Variants in JAZF1 observed in about 807,000 individuals in gnomAD.
The protein encoded by JAZF1 is juxtaposed with another zinc finger protein 1.
JAZF1 carries 8 observed loss-of-function variants against 26.4 expected under a neutral mutation model. That is an observed-to-expected ratio of 0.30 (90% CI 0.18 to 0.55). JAZF1 has a LOEUF of 0.55. Among genes scored for constraint, JAZF1 ranks in the 20% least tolerant of loss-of-function variants. The pLI is 0.94. For missense variants in JAZF1, 199 were observed against 322.0 expected (o/e 0.62, Z 2.92); for synonymous variants, 126 against 122.3 (o/e 1.03, Z -0.20).
rs140063245 is a variant in JAZF1 at position 27,972,667 on chromosome 7, A to G, written c.188+19242T>C. Among the ~76,000 whole-genome samples, 921 of 152,338 alleles carry G rather than the reference A, an allele frequency of 6.0e-3. 11 individuals carry two copies. Among genetic ancestry groups the G allele is most frequent in the African/African-American group, 0.021 (887 of 41,570 alleles). On this transcript the variant is annotated intron_variant, in intron 2 of 4. Transcript: ENST00000283928. ...ATCGTTAGTGGTGAAAAACAAACACATGCAAGCAAGCCTGGAAACAACTGG... is the reference window on the plus strand; with the variant it reads ...ATCGTTAGTGGTGAAAAACAAACACGTGCAAGCAAGCCTGGAAACAACTGG...
At chr7:28,175,517 T>C (rs1204874237) in intron 1 of JAZF1, among the ~76,000 whole-genome samples, 2 of 152,234 alleles carry the variant, frequency 1.3e-5, no homozygotes, top group Admixed American at 6.5e-5. Context: ...AGATGGATGC[T>C]GCTACTATCC....
At chr7:27,940,462 C>G (rs1784829504) in intron 2 of JAZF1, among the ~76,000 whole-genome samples, 1 of 152,188 alleles carries the variant, frequency 6.6e-6, no homozygotes, top group Non-Finnish European at 1.5e-5. Context: ...AGCACACACA[C>G]ATGCCCAGAT....
At chr7:28,109,414 A>G (rs10281935) in intron 1 of JAZF1, among the ~76,000 whole-genome samples, 96,280 of 151,862 alleles carry the variant, frequency 0.63, 31,934 homozygotes, top group Non-Finnish European at 0.73. Flanking sequence ...TTTAAAAACC[A>G]GCCTATCCTC....
At chr7:27,899,120 G>C (rs1372621848) in intron 2 of JAZF1, among the ~76,000 whole-genome samples, 1 of 152,168 alleles carries the variant, frequency 6.6e-6, no homozygotes, top group Admixed American at 6.5e-5. Flanking sequence ...AATTTAGTAA[G>C]TAAATTCTCA....
chr7:28,013,589 C>A (rs922885507), intron 1 of JAZF1, among the ~76,000 whole-genome samples: 1 of 152,102 alleles, frequency 6.6e-6, no homozygotes, highest in Non-Finnish European at 1.5e-5. Context: ...CTCAGAACCA[C>A]GCTTCTAGAA....
At chr7:28,136,716 A>G (rs1583579664) in intron 1 of JAZF1, among the ~76,000 whole-genome samples, 1 of 152,340 alleles carries the variant, frequency 6.6e-6, no homozygotes, top group East Asian at 1.9e-4. Context: ...GGAGAGAGAC[A>G]GGAGGAGGAG....
chr7:27,841,894 T>C (rs1238817366), intron 3 of JAZF1: 2 of 152,148 alleles, frequency 1.3e-5, no homozygotes, highest in African/African-American at 2.4e-5. Flanking sequence ...GTGGAATAAA[T>C]AGGAATTATA....
At chr7:27,931,101 CTA>C (rs1416867459) in intron 2 of JAZF1, among the ~76,000 whole-genome samples, 2 of 152,144 alleles carry the variant, frequency 1.3e-5, no homozygotes, top group Non-Finnish European at 2.9e-5. Context: ...AGAAGGCCAT[CTA>C]CAATGAGATT....
At position 27,832,691 on chromosome 7, in the gene JAZF1, A is replaced by T; in HGVS notation, c.*109T>A. On this transcript the variant is annotated 3_prime_UTR_variant, in exon 5 of 5. Transcript: ENST00000283928. Reference sequence around the variant, plus strand: ...CAGAAAAAATTTAAAGCATGCATTTAATTCTTTTTCTTTAAAGGGTTGCTG... The same window carrying T: ...CAGAAAAAATTTAAAGCATGCATTTTATTCTTTTTCTTTAAAGGGTTGCTG... 2 of 873,718 alleles carry T rather than the reference A, an allele frequency of 2.3e-6. No individual in the cohort carries two copies. The highest frequency in any genetic ancestry group is 3.4e-6 in the Non-Finnish European group (2 of 585,948). 54.1% of individuals were successfully genotyped at this position (873,718 alleles called of 1,614,324 possible). A position where few individuals can be genotyped will look rare whatever the true frequency, so the allele number is the denominator to read the frequency against.
intron 1 of JAZF1, among the ~76,000 whole-genome samples, chr7:28,012,383 A>T (rs1003951114): frequency 2.6e-5 from 4 of 152,232 alleles, no homozygotes; most frequent in Admixed American, 6.5e-5. Flanking sequence ...TGACCTTCTG[A>T]ATCAAAAATG....
At chr7:27,857,385 C>T (rs1164005199) in intron 3 of JAZF1, among the ~76,000 whole-genome samples, 5 of 152,320 alleles carry the variant, frequency 3.3e-5, no homozygotes, top group South Asian at 2.1e-4. Context: ...TTCCCACCTG[C>T]GCCTCTCCCT....
intron 1 of JAZF1, among the ~76,000 whole-genome samples, chr7:27,992,422 A>G (rs1438684078): frequency 2.0e-5 from 3 of 152,222 alleles, no homozygotes; most frequent in Non-Finnish European, 2.9e-5. Flanking sequence ...TTCACGGAAC[A>G]CTTTTCTGCA....
intron 1 of JAZF1, among the ~76,000 whole-genome samples, chr7:28,000,846 T>C (rs1256434721): frequency 4.6e-5 from 7 of 151,998 alleles, no homozygotes; most frequent in Admixed American, 3.9e-4. Context: ...CTCGAACTCC[T>C]GGGCTCAAGC....
At chr7:28,138,759 G>A (rs1236972457) in intron 1 of JAZF1, among the ~76,000 whole-genome samples, 1 of 152,174 alleles carries the variant, frequency 6.6e-6, no homozygotes, top group Admixed American at 6.5e-5. Flanking sequence ...TGTAGACGTC[G>A]AGTGCTGGAG....
intron 1 of JAZF1, among the ~76,000 whole-genome samples, chr7:28,120,483 C>T (rs1214048923): frequency 1.4e-5 from 2 of 139,818 alleles, no homozygotes; most frequent in Non-Finnish European, 3.1e-5. Flanking sequence ...ATGTCTGAAC[C>T]ACTAGCCACA....
intron 1 of JAZF1, among the ~76,000 whole-genome samples, chr7:28,179,138 G>C (rs1783592733): frequency 6.6e-6 from 1 of 152,166 alleles, no homozygotes; most frequent in Non-Finnish European, 1.5e-5. Context: ...CATTCATTTG[G>C]ACTTCCTGGG....
chr7:28,131,486 T>G (rs183171226), intron 1 of JAZF1, among the ~76,000 whole-genome samples: 6 of 152,188 alleles, frequency 3.9e-5, no homozygotes, highest in Non-Finnish European at 5.9e-5. Flanking sequence ...ACTAGATGAC[T>G]AGAATCTTTA....
At chr7:28,109,226 C>G (rs1318218298) in intron 1 of JAZF1, among the ~76,000 whole-genome samples, 1 of 152,158 alleles carries the variant, frequency 6.6e-6, no homozygotes, top group African/African-American at 2.4e-5. Flanking sequence ...ACCACACACA[C>G]AAAGATAACT....
chr7:28,062,997 T>C (rs1783825057), intron 1 of JAZF1, among the ~76,000 whole-genome samples: 1 of 152,228 alleles, frequency 6.6e-6, no homozygotes, highest in Non-Finnish European at 1.5e-5. Flanking sequence ...GCCAACTACA[T>C]GTTTTGAAAA....
Sources: allele counts gnomAD v4.1 joint callset (sites outside exome capture counted in the v4.1 genomes callset), GRCh38; gene constraint gnomAD v4.1.1; transcripts MANE v1.5; gene names NCBI Gene and HGNC (gene_info 2026-07-23, HGNC 2026-07-21).